Variants in POMT1 observed in about 807,000 individuals in gnomAD.
The protein encoded by POMT1 is protein O-mannosyl-transferase 1.
A neutral mutation model predicts 101.6 loss-of-function variants in POMT1; 85 were observed. That is an observed-to-expected ratio of 0.84 (90% CI 0.70 to 1.00). POMT1 has a LOEUF of 1.00. POMT1 is among the 50% of genes least tolerant of loss of function. The pLI is 0.00. For synonymous variants in POMT1, 371 were observed against 383.0 expected (o/e 0.97, Z 0.37); for missense variants, 857 against 930.4 (o/e 0.92, Z 1.03).
rs1057327817 is a variant in POMT1, at chr9:131,510,589, C to T, written c.855+174C>T. On this transcript the variant is annotated intron_variant, in intron 9 of 19. Coordinates refer to ENST00000402686, the MANE Select transcript of POMT1 (RefSeq NM_001077365.2). The stretch of plus-strand genomic sequence containing the variant: ...GAGTCTTACTCTGTCACCCAAACTC[C>T]GCCTCCTGGCTTCAAGCGATTCTCC... 9 of 929,018 alleles carry T rather than the reference C, an allele frequency of 9.7e-6. No individual in the cohort carries two copies. The African/African-American group carries it at 1.3e-4, about 14-fold the overall frequency. The allele number at this position is 929,018 out of a possible 1,614,324, so 57.5% of individuals were successfully genotyped here. A position where few individuals can be genotyped will look rare whatever the true frequency, so the allele number is the denominator to read the frequency against.
In POMT1 at chr9:131,515,484, T is replaced by TA. The variant is rs1948107534; in HGVS notation, c.1235dup (p.Tyr412Ter). ...ACAGGAGGTCTCCTGCTACATTGACTATAACATCTCCATGCCCGCCCAGAA... is the reference window on the plus strand; with the variant it reads ...ACAGGAGGTCTCCTGCTACATTGACTAATAACATCTCCATGCCCGCCCAGAA... Reference protein sequence around the residue: ...HSQEVSCYIDYNISMPAQNLW... With the variant: ...HSQEVSCYID The change falls in exon 13 of 20, where the codon TAT becomes TAAT. Residue 412 changes from tyrosine to a stop codon, truncating the protein, a stop_gained and frameshift_variant. Coordinates refer to ENST00000402686, the MANE Select transcript of POMT1 (RefSeq NM_001077365.2). LOFTEE classifies it high-confidence loss of function. The TA allele has an allele frequency of 6.2e-7, 1 of 1,614,234 alleles. No homozygotes were observed. Among genetic ancestry groups the TA allele is most frequent in the African/African-American group, 1.3e-5 (1 of 75,062 alleles).
intron 18 of POMT1, 143 bp downstream of exon 18, chr9:131,521,615 C>G: frequency 1.9e-6 from 2 of 1,062,382 alleles, no homozygotes; most frequent in Non-Finnish European, 2.8e-6. Flanking sequence ...CAGGTGTGCG[C>G]TGAGCATTCA....
chr9:131,511,267 A>G (rs1947054350), intron 9 of POMT1, 70 bp from the exon 10 acceptor site: 13 of 1,502,398 alleles, frequency 8.7e-6, no homozygotes, highest in South Asian at 3.6e-5. Context: ...AGGAGTGGCC[A>G]TCGGGAAGGC....
intron 5 of POMT1, 114 bp downstream of exon 5, chr9:131,507,628 C>A: frequency 6.8e-7 from 1 of 1,478,364 alleles, no homozygotes; most frequent in South Asian, 1.2e-5. Flanking sequence ...GCATCTGGTT[C>A]ATCCAAATTT....
chr9:131,511,019 C>T (rs970248232), intron 9 of POMT1: 10 of 304,400 alleles, frequency 3.3e-5, no homozygotes, highest in Non-Finnish European at 3.7e-5. Context: ...TTTGGCTCAC[C>T]CTAGTCTTGG....
chr9:131,504,304 G>C lies in POMT1; in HGVS notation c.86G>C (p.Ser29Thr). ...LVALTGMGLL[S>T]RLWRLTYPRA... The stretch of plus-strand genomic sequence containing the variant: ...GCCCTGACTGGGATGGGGTTACTGA[G>C]CCGGCTGTGGCGACTCACCTACCCG... Residue 29 changes from serine to threonine, a missense_variant, in exon 2 of 20, where the codon AGC becomes ACC. Ser to Thr is a moderately conservative substitution (Grantham distance 58). Coordinates refer to ENST00000402686, the MANE Select transcript of POMT1 (RefSeq NM_001077365.2). 1.9e-6 allele frequency: 3 copies of C among 1,614,218 alleles called. No individual in the cohort carries two copies.
At chr9:131,506,691 C>T (rs909118735) in intron 4 of POMT1, 37 of 547,452 alleles carry the variant, frequency 6.8e-5, no homozygotes, top group Non-Finnish European at 1.2e-4. Flanking sequence ...CAGCCCTTGT[C>T]GTTGGTACAC....
intron 6 of POMT1, 71 bp downstream of exon 6, chr9:131,509,093 TC>T: frequency 9.2e-7 from 1 of 1,090,516 alleles, no homozygotes; most frequent in Non-Finnish European, 1.4e-6. Context: ...TCTGAGATGG[TC>T]CAGTACCTTT....
At position 131,522,007 on chromosome 9, in the gene POMT1, G is replaced by A. The variant is rs187443595; in HGVS notation, c.1826-40G>A. ...AAAGAGAGAGAAGACCCGGCCTGTGGGAGCAGCAGAGTCGGTGTAGCTCGA... is the reference window on the plus strand; with the variant it reads ...AAAGAGAGAGAAGACCCGGCCTGTGAGAGCAGCAGAGTCGGTGTAGCTCGA... On this transcript the variant is annotated intron_variant, in intron 18 of 19. Coordinates refer to ENST00000402686, the MANE Select transcript of POMT1 (RefSeq NM_001077365.2). This position sits in a 1 kb window ranked among gnomAD's most constrained non-coding sequence, Gnocchi z 5.5. 3.2e-3 allele frequency: 5,139 copies of A among 1,612,662 alleles called. 266 individuals carry two copies. In the Admixed American group the frequency reaches 0.077, roughly 24 times the overall value.
rs1950199164 is a variant in POMT1, at chr9:131,522,725, T to A, written c.2004-207T>A. On this transcript the variant is annotated intron_variant, in intron 19 of 19. Coordinates refer to ENST00000402686, the MANE Select transcript of POMT1 (RefSeq NM_001077365.2). The surrounding 1 kb of genome is among the most constrained non-coding windows in gnomAD (Gnocchi z 5.5). ...CTGTGTGGAGGTGGCCCAGCCACTG[T>A]GGAGGCCTGAGGAGTCATCAGGGGG... 1.3e-5 allele frequency among the ~76,000 whole-genome samples: 2 copies of A among 152,156 alleles called. No individual in the cohort carries two copies. Among genetic ancestry groups the A allele is most frequent in the Admixed American group, 1.3e-4 (2 of 15,282 alleles).
intron 13 of POMT1, chr9:131,517,109 C>A (rs562583385): frequency 1.2e-4 from 18 of 152,516 alleles, no homozygotes; most frequent in South Asian, 1.0e-3. Context: ...TCACACCCCC[C>A]CTTCTAGCTT....
Position 131,504,225 on chromosome 9 carries a change from G to A in POMT1, c.7G>A (p.Gly3Arg), listed in dbSNP as rs371821873. 1 of 1,614,002 alleles carries A rather than the reference G, an allele frequency of 6.2e-7. No individual in the cohort carries two copies. The highest frequency in any genetic ancestry group is 1.3e-5 in the African/African-American group (1 of 74,908). ...GAGCCCGCTTTTCTACAAGATGTGG[G>A]GATTTTTGAAGCGCCCTGTAGTGGT... is the stretch of plus-strand genomic sequence containing the variant. Reference protein sequence around the residue: MWGFLKRPVVVTA... With the variant: MWRFLKRPVVVTA... Residue 3 changes from glycine to arginine, a missense_variant, in exon 2 of 20, where the codon GGA (glycine) becomes AGA (arginine). Physicochemically the swap from Gly to Arg is moderately radical, Grantham distance 125 (BLOSUM62 -2). Transcript: ENST00000402686.
Position 131,513,346 on chromosome 9 carries a change from C to T in POMT1, c.1175+15C>T, listed in dbSNP as rs200398689. On this transcript the variant is annotated intron_variant, in intron 12 of 19. Coordinates refer to ENST00000402686, the MANE Select transcript of POMT1 (RefSeq NM_001077365.2). ...TCCCTGAACACGTGAGTGTGCCCGC[C>T]GTCTGCTCTGCTGCACCTGTGGGTT... 5.9e-5 allele frequency: 95 copies of T among 1,605,618 alleles called. No individual in the cohort carries two copies. The highest frequency in any genetic ancestry group is 5.5e-4 in the African/African-American group (41 of 74,874).
At chr9:131,517,248 T>C (rs1390321290) in intron 13 of POMT1, among the ~76,000 whole-genome samples, 16 of 151,494 alleles carry the variant, frequency 1.1e-4, no homozygotes, top group African/African-American at 3.1e-4. Context: ...TTTTTTTTTT[T>C]GCGACTGGGT....
At chr9:131,506,277 C>T in intron 3 of POMT1, 57 bp downstream of exon 3, 2 of 1,583,692 alleles carry the variant, frequency 1.3e-6, no homozygotes, top group Non-Finnish European at 1.7e-6. Flanking sequence ...ACATTTAAAA[C>T]TTATCAGTGC....
rs1947081771 is a variant in POMT1 at position 131,511,362 on chromosome 9, G to T, written c.881G>T (p.Gly294Val). Residue 294 changes from glycine (G) to valine (V), a missense_variant, in exon 10 of 20, where the codon GGT becomes GTT. Coordinates refer to ENST00000402686, the MANE Select transcript of POMT1 (RefSeq NM_001077365.2). ...GGAGGACTAGCTCGGATCACTCAGG[G>T]TCAGCCACTGGAGGTGGCCTTTGGG... ...LEGGLARITQGQPLEVAFGSQ... is the reference protein window; with the variant it reads ...LEGGLARITQVQPLEVAFGSQ... 2 of 1,613,958 alleles carry T rather than the reference G, an allele frequency of 1.2e-6. No individual in the cohort carries two copies. The highest frequency in any genetic ancestry group is 2.2e-5 in the South Asian group (2 of 91,080).
intron 14 of POMT1, 88 bp downstream of exon 14, chr9:131,518,625 A>AG (rs1949246825): frequency 7.0e-7 from 1 of 1,431,192 alleles, no homozygotes; most frequent in Admixed American, 1.7e-5. Context: ...GCCTCTCTGC[A>AG]GGCGGAACGC....
In POMT1 at chr9:131,519,260, T is replaced by G; in HGVS notation, c.1487-129T>G. ...GTGTGGTGGGGAAAGCTAAGTGGAA[T>G]GATGCGGTTCGATAAGGGGTCTTTG... On this transcript the variant is annotated intron_variant, in intron 15 of 19. Transcript: ENST00000402686. The surrounding 1 kb of genome is among the most constrained non-coding windows in gnomAD (Gnocchi z 4.3). The G allele has an allele frequency of 1.0e-6, 1 of 976,798 alleles. No homozygotes were observed. The highest frequency in any genetic ancestry group is 1.4e-5 in the South Asian group (1 of 72,202). 60.5% of individuals were successfully genotyped at this position (976,798 alleles called of 1,614,324 possible).
At chr9:131,520,379 C>G (rs923265628) in intron 17 of POMT1, among the ~76,000 whole-genome samples, 186 bp downstream of exon 17, 1 of 152,234 alleles carries the variant, frequency 6.6e-6, no homozygotes, top group Non-Finnish European at 1.5e-5. Context: ...AGGGGTGTGG[C>G]ATGTGTGCCT....
Sources: allele counts gnomAD v4.1 joint callset (sites outside exome capture counted in the v4.1 genomes callset), GRCh38; gene constraint gnomAD v4.1.1; non-coding constraint Gnocchi (gnomAD v3.1); transcripts MANE v1.5; gene names NCBI Gene and HGNC (gene_info 2026-07-23, HGNC 2026-07-21).